The following NFIX variants were observed in gnomAD, a reference collection of about 807,000 sequenced individuals.
The protein encoded by NFIX is nuclear factor I X.
Under a neutral mutation model 53.3 loss-of-function variants are expected in NFIX, and 2 were observed. The observed-to-expected ratio is 0.04, with a 90% CI of 0.02 to 0.12. NFIX has a LOEUF of 0.12. Among genes scored for constraint, NFIX ranks in the 10% least tolerant of loss-of-function variants. NFIX has a pLI of 1.00. For synonymous variants in NFIX, 244 were observed against 289.0 expected (o/e 0.84, Z 1.58); for missense variants, 310 against 674.5 (o/e 0.46, Z 5.99).
In NFIX at chr19:13,045,542, G is replaced by A. The variant is rs1206731012; in HGVS notation, c.559+19990G>A. On this transcript the variant is annotated intron_variant, in intron 2 of 10. Coordinates refer to ENST00000592199, the MANE Select transcript of NFIX (RefSeq NM_001365902.3). This position sits in a 1 kb window ranked among gnomAD's most constrained non-coding sequence, Gnocchi z 4.4. ...CCTGACTGAGGCCAAGGAAAGGAAC[G>A]GCAGCAGGGCAAGCCAGGCCCAAGG... is the stretch of plus-strand genomic sequence containing the variant. Among the ~76,000 whole-genome samples, 3 of 152,234 alleles carry A rather than the reference G, an allele frequency of 2.0e-5. No individual in the cohort carries two copies. Among genetic ancestry groups the A allele is most frequent in the East Asian group, 1.9e-4 (1 of 5,182 alleles).
chr19:13,042,885 C>T (rs2014735026), intron 2 of NFIX, among the ~76,000 whole-genome samples: 2 of 152,162 alleles, frequency 1.3e-5, no homozygotes, highest in Non-Finnish European at 2.9e-5. Flanking sequence ...TATGGACTCT[C>T]TTGAAGGCTC....
chr19:13,092,379 C>T (rs1355340792), intron 10 of NFIX, among the ~76,000 whole-genome samples: 1 of 152,130 alleles, frequency 6.6e-6, no homozygotes, highest in Non-Finnish European at 1.5e-5. Context: ...GGGGAGGTGC[C>T]GGGGAGCCCC....
chr19:13,003,978 T>C (rs2011870703), intron 1 of NFIX, among the ~76,000 whole-genome samples: 1 of 152,154 alleles, frequency 6.6e-6, no homozygotes, highest in Non-Finnish European at 1.5e-5. Flanking sequence ...TCTGGCTTTG[T>C]TGCCCAGGCT....
rs549081080 is a variant in NFIX, at chr19:13,051,009, G to A, written c.560-22038G>A. On this transcript the variant is annotated intron_variant, in intron 2 of 10. Coordinates refer to ENST00000592199, the MANE Select transcript of NFIX (RefSeq NM_001365902.3). The surrounding 1 kb of genome is among the most constrained non-coding windows in gnomAD (Gnocchi z 5.1). ...GGCCCCAAAGCAGCCTCCAGGTCCC[G>A]GGAGAAAAGCATAGTTGCTACCCTG... 3.3e-5 allele frequency among the ~76,000 whole-genome samples: 5 copies of A among 152,200 alleles called. No individual in the cohort carries two copies. The highest frequency in any genetic ancestry group is 1.5e-5 in the Non-Finnish European group (1 of 68,034).
At chr19:12,995,989 G>A (rs2011451944) in intron 1 of NFIX, 125 bp downstream of exon 1, 5 of 264,440 alleles carry the variant, frequency 1.9e-5, no homozygotes, top group Non-Finnish European at 2.9e-5. Context: ...GGCCGCCGAG[G>A]GGTGCAGGCT....
At chr19:13,042,205 C>G (rs561689438) in intron 2 of NFIX, among the ~76,000 whole-genome samples, 4 of 152,164 alleles carry the variant, frequency 2.6e-5, no homozygotes, top group African/African-American at 9.6e-5. Flanking sequence ...TGCGCCTGGC[C>G]TTAGCATCTT....
rs138779586 is a variant in NFIX at position 13,039,050 on chromosome 19, A to G, written c.559+13498A>G. Among the ~76,000 whole-genome samples, 15 of 152,230 alleles carry G rather than the reference A, an allele frequency of 9.9e-5. No individual in the cohort carries two copies. The East Asian group carries it at 2.9e-3, about 29-fold the overall frequency. On this transcript the variant is annotated intron_variant, in intron 2 of 10. Transcript: ENST00000592199. ...AAGGCCATTGCTCCATGGAGCAATAATCCTCAGGATATTGCCAGCCCAAAA... is the reference window on the plus strand; with the variant it reads ...AAGGCCATTGCTCCATGGAGCAATAGTCCTCAGGATATTGCCAGCCCAAAA...
At position 13,027,962 on chromosome 19, in the gene NFIX, T is replaced by C. The variant is rs1229059934; in HGVS notation, c.559+2410T>C. Among the ~76,000 whole-genome samples, 1 of 152,238 alleles carries C rather than the reference T, an allele frequency of 6.6e-6. No homozygotes were observed. The highest frequency in any genetic ancestry group is 1.5e-5 in the Non-Finnish European group (1 of 68,046). On this transcript the variant is annotated intron_variant, in intron 2 of 10. Transcript: ENST00000592199. This position sits in a 1 kb window ranked among gnomAD's most constrained non-coding sequence, Gnocchi z 4.3. ...CTCACTGGAATTGCTTTAGTTTGAG[T>C]GTGCCTTCCTGAAGTGAGTTGAGGC...
chr19:13,042,626 A>G (rs911794237), intron 2 of NFIX, among the ~76,000 whole-genome samples: 3 of 152,014 alleles, frequency 2.0e-5, no homozygotes, highest in African/African-American at 7.3e-5. Flanking sequence ...CCAAGTGCTG[A>G]TATTACAGGA....
Position 13,013,971 on chromosome 19 carries a change from C to G in NFIX, c.28-11050C>G, listed in dbSNP as rs2145161303. 1 of 152,332 alleles carries G rather than the reference C, an allele frequency of 6.6e-6. No individual in the cohort carries two copies. The highest frequency in any genetic ancestry group is 6.5e-5 in the Admixed American group (1 of 15,308). The allele number at this position is 152,332 out of a possible 1,614,324, so 9.4% of individuals were successfully genotyped here. ...CTCTGTCGTCGGAGCCCGGGTTTGC[C>G]ACGGCAAAGTCTGTAATCAGAGAAA... On this transcript the variant is annotated intron_variant, in intron 1 of 10. Transcript: ENST00000592199. The surrounding 1 kb of genome is among the most constrained non-coding windows in gnomAD (Gnocchi z 5.9).
rs2016898502 is a variant in NFIX at position 13,073,615 on chromosome 19, G to A, written c.697+119G>A. On this transcript the variant is annotated intron_variant, in intron 4 of 10. Transcript: ENST00000592199. This position sits in a 1 kb window ranked among gnomAD's most constrained non-coding sequence, Gnocchi z 4.5. ...GTGGATGGGAACAGATGCTTTCTGG[G>A]ACACTCTCGGCTTCACTGGTGCTGG... is the stretch of plus-strand genomic sequence containing the variant. 1.1e-6 allele frequency: 1 copy of A among 940,730 alleles called. No individual in the cohort carries two copies. The highest frequency in any genetic ancestry group is 1.6e-5 in the African/African-American group (1 of 62,038). 58.3% of individuals were successfully genotyped at this position (940,730 alleles called of 1,614,324 possible).
At chr19:13,071,633 A>G (rs556054052) in intron 2 of NFIX, among the ~76,000 whole-genome samples, 1 of 152,238 alleles carries the variant, frequency 6.6e-6, no homozygotes, top group Non-Finnish European at 1.5e-5. Context: ...TTGACTCGCT[A>G]CAATAGTATT....
At chr19:13,091,832 G>A (rs1287401705) in intron 10 of NFIX, among the ~76,000 whole-genome samples, 4 of 152,224 alleles carry the variant, frequency 2.6e-5, no homozygotes, top group African/African-American at 4.8e-5. Flanking sequence ...CGTGCGCTCC[G>A]AGGACCACTG....
At chr19:13,091,873 G>A (rs763649739) in intron 10 of NFIX, among the ~76,000 whole-genome samples, 7 of 152,338 alleles carry the variant, frequency 4.6e-5, no homozygotes, top group South Asian at 2.1e-4. Flanking sequence ...CCCTGTTTCC[G>A]CTGCCTCCTT....
At position 13,090,763 on chromosome 19, in the gene NFIX, C is replaced by G. The variant is rs1291990469; in HGVS notation, c.1494+373C>G. On this transcript the variant is annotated intron_variant, in intron 10 of 10. Coordinates refer to ENST00000592199, the MANE Select transcript of NFIX (RefSeq NM_001365902.3). The surrounding 1 kb of genome is among the most constrained non-coding windows in gnomAD (Gnocchi z 6.6). ...TTTCACCTGCCCCGACTGGAAGCCC[C>G]GGCCCCTAGCCCTCCCCTTTCCCCT... is the stretch of plus-strand genomic sequence containing the variant. Among the ~76,000 whole-genome samples the G allele has an allele frequency of 6.6e-6, 1 of 152,184 alleles. No homozygotes were observed. Among genetic ancestry groups the G allele is most frequent in the Non-Finnish European group, 1.5e-5 (1 of 68,024 alleles).
intron 10 of NFIX, among the ~76,000 whole-genome samples, chr19:13,092,716 C>T (rs1016583132): frequency 7.9e-5 from 12 of 152,210 alleles, no homozygotes; most frequent in Admixed American, 2.6e-4. Context: ...GGAACAGGCC[C>T]AAGCCTGTGG....
Position 13,098,292 on chromosome 19 carries a change from C to T in NFIX, c.*3643C>T, listed in dbSNP as rs1362014349. The T allele has an allele frequency of 3.5e-5, 4 of 115,396 alleles. No homozygotes were observed. Among genetic ancestry groups the T allele is most frequent in the Non-Finnish European group, 5.3e-5 (3 of 56,442 alleles). 7.1% of individuals were successfully genotyped at this position (115,396 alleles called of 1,614,324 possible). ...CCCCACCCCACCCACCCTCGGGGCG[C>T]CCCCCTCCCCCCGCAAGCCAGCCTG... On this transcript the variant is annotated 3_prime_UTR_variant, in exon 11 of 11. Transcript: ENST00000592199.
At chr19:13,076,804 C>T (rs765602377) in intron 6 of NFIX, among the ~76,000 whole-genome samples, 4 of 152,166 alleles carry the variant, frequency 2.6e-5, no homozygotes, top group African/African-American at 4.8e-5. Flanking sequence ...TGCCCCAGAA[C>T]GAATGCAAGT....
In NFIX at chr19:13,078,757, A is replaced by G. The variant is rs375926437; in HGVS notation, c.1078+22A>G. On this transcript the variant is annotated intron_variant, in intron 7 of 10. Coordinates refer to ENST00000592199, the MANE Select transcript of NFIX (RefSeq NM_001365902.3). The surrounding 1 kb of genome is among the most constrained non-coding windows in gnomAD (Gnocchi z 4.7). ...CCAGGTGAGAAATGGGGGGCCCCGG[A>G]GGGGGGCAGTTGGGGAGGTGGCTGA... 1.3e-6 allele frequency: 2 copies of G among 1,582,822 alleles called. No individual in the cohort carries two copies. Among genetic ancestry groups the G allele is most frequent in the Non-Finnish European group, 1.7e-6 (2 of 1,167,442 alleles).
Sources: allele counts gnomAD v4.1 joint callset (sites outside exome capture counted in the v4.1 genomes callset), GRCh38; gene constraint gnomAD v4.1.1; non-coding constraint Gnocchi (gnomAD v3.1); transcripts MANE v1.5; gene names NCBI Gene and HGNC (gene_info 2026-07-23, HGNC 2026-07-21).